Variants in ITPR2 observed in about 807,000 individuals in gnomAD.
The protein encoded by ITPR2 is inositol 1,4,5-trisphosphate-gated calcium channel ITPR2.
A neutral mutation model predicts 317.1 loss-of-function variants in ITPR2; 207 were observed. That is an observed-to-expected ratio of 0.65 (90% CI 0.58 to 0.73). The LOEUF is 0.73. Ranked by LOEUF, ITPR2 falls within the 30% of genes least tolerant of loss-of-function variation. The pLI, the probability that ITPR2 is intolerant of heterozygous loss-of-function variation, is 0.00. For missense variants in ITPR2, 2,613 were observed against 3,284.0 expected (o/e 0.80, Z 4.99); for synonymous variants, 1,156 against 1,149.1 (o/e 1.01, Z -0.12).
At chr12:26,701,208 T>TA (rs1948439972) in intron 9 of ITPR2, among the ~76,000 whole-genome samples, 1 of 152,174 alleles carries the variant, frequency 6.6e-6, no homozygotes, top group Non-Finnish European at 1.5e-5. Flanking sequence ...CGCAATCAAT[T>TA]AAAAAACAAC....
At chr12:26,539,832 T>C (rs1944207630) in intron 37 of ITPR2, among the ~76,000 whole-genome samples, 1 of 152,190 alleles carries the variant, frequency 6.6e-6, no homozygotes, top group Non-Finnish European at 1.5e-5. Flanking sequence ...AACAGAGATA[T>C]GCAAAGTATA....
intron 34 of ITPR2, among the ~76,000 whole-genome samples, chr12:26,575,634 C>T (rs1462538857): frequency 2.0e-5 from 3 of 152,044 alleles, no homozygotes; most frequent in Non-Finnish European, 2.9e-5. Context: ...TTATAGCATA[C>T]GAAAAGGAAC....
chr12:26,522,522 C>A (rs1287988834), intron 37 of ITPR2, among the ~76,000 whole-genome samples: 1 of 152,142 alleles, frequency 6.6e-6, no homozygotes, highest in African/African-American at 2.4e-5. Flanking sequence ...CTTTGGAACC[C>A]CTATCCAGTC....
At chr12:26,421,264 G>C (rs948183755) in intron 49 of ITPR2, 1 of 152,096 alleles carries the variant, frequency 6.6e-6, no homozygotes, top group Non-Finnish European at 1.5e-5. Context: ...TTTGTTTTCA[G>C]GTTTTGGTTT....
intron 55 of ITPR2, among the ~76,000 whole-genome samples, chr12:26,364,023 T>C (rs1398935000): frequency 1.3e-5 from 2 of 152,196 alleles, no homozygotes; most frequent in Non-Finnish European, 2.9e-5. Flanking sequence ...GAGGCTGAAC[T>C]AGCTTATGTG....
intron 45 of ITPR2, among the ~76,000 whole-genome samples, chr12:26,456,530 CT>C (rs1158697820): frequency 6.6e-6 from 1 of 152,184 alleles, no homozygotes; most frequent in Non-Finnish European, 1.5e-5. Flanking sequence ...CGGTGCTGCT[CT>C]GTTTATGGAG....
intron 39 of ITPR2, among the ~76,000 whole-genome samples, chr12:26,491,594 G>C (rs1236632700): frequency 1.3e-5 from 2 of 151,632 alleles, no homozygotes; most frequent in Admixed American, 6.6e-5. Flanking sequence ...ACTTGTCACT[G>C]TCTAGGAAAA....
At chr12:26,791,795 C>G (rs961226458) in intron 1 of ITPR2, among the ~76,000 whole-genome samples, 1 of 152,126 alleles carries the variant, frequency 6.6e-6, no homozygotes, top group Non-Finnish European at 1.5e-5. Flanking sequence ...ATCTGAAAGG[C>G]TCCAATAGTT....
chr12:26,414,391 C>T (rs1257903288), intron 51 of ITPR2, among the ~76,000 whole-genome samples: 1 of 152,044 alleles, frequency 6.6e-6, no homozygotes, highest in African/African-American at 2.4e-5. Context: ...ATACCATTTG[C>T]AAGGCATCAC....
At chr12:26,694,995 A>G (rs1464058891) in intron 10 of ITPR2, among the ~76,000 whole-genome samples, 1 of 152,182 alleles carries the variant, frequency 6.6e-6, no homozygotes, top group Admixed American at 6.5e-5. Context: ...CAAATCCTAA[A>G]GCTATGTATC....
At chr12:26,681,317 A>C (rs1948024759) in intron 13 of ITPR2, among the ~76,000 whole-genome samples, 1 of 152,230 alleles carries the variant, frequency 6.6e-6, no homozygotes, top group Non-Finnish European at 1.5e-5. Context: ...GCAGGCATGC[A>C]ATAATCGTTA....
chr12:26,622,553 A>G (rs1489481689), intron 24 of ITPR2, 148 bp from the exon 25 acceptor site: 1 of 591,992 alleles, frequency 1.7e-6, no homozygotes, highest in South Asian at 2.8e-5. Context: ...TGTTTTCCTC[A>G]TGTAACTGAT....
chr12:26,722,409 G>A lies in ITPR2; in HGVS notation c.513C>T (p.Ser171=), dbSNP rs368594447. Residue 171 remains serine, a synonymous_variant, in exon 5 of 57, where the codon AGC becomes AGT. Coordinates refer to ENST00000381340, the MANE Select transcript of ITPR2 (RefSeq NM_002223.4). ...FYIHPFWKLR[S]EGDNIVVGDK... The stretch of plus-strand genomic sequence containing the variant: ...GTATATTACATACATTGTCACCCTC[G>A]CTTCTCAGTTTCCAGAACGGATGAA... 8.1e-5 allele frequency: 130 copies of A among 1,608,170 alleles called. No homozygotes were observed. The highest frequency in any genetic ancestry group is 2.5e-4 in the African/African-American group (19 of 74,714).
At position 26,477,005 on chromosome 12, in the gene ITPR2, G is replaced by C; in HGVS notation, c.6126C>G (p.Asn2042Lys). The change falls in exon 44 of 57, where the codon AAC becomes AAG. Residue 2042 changes from asparagine to lysine, a missense_variant and splice_region_variant. By Grantham distance (94) the Asn-to-Lys change is moderately conservative (BLOSUM62 0). This residue lies in a region of ITPR2 where 926 missense variants were observed against 1,072.8 expected (regional missense o/e 0.86). Transcript: ENST00000381340. Reference sequence around the variant, plus strand: ...TGGCCAGCAAAAGTTTAGATGCATTGTTCTAGAGACACAGATTGAGTTAAT... The same window carrying C: ...TGGCCAGCAAAAGTTTAGATGCATTCTTCTAGAGACACAGATTGAGTTAAT... ...YRMDLVLQLK[N>K]NASKLLLAIM... 1 of 1,597,542 alleles carries C rather than the reference G, an allele frequency of 6.3e-7. No homozygotes were observed. The highest frequency in any genetic ancestry group is 8.6e-7 in the Non-Finnish European group (1 of 1,165,678).
chr12:26,561,976 T>G (rs780926415), intron 34 of ITPR2, 24 bp from the exon 35 acceptor site: 6 of 1,476,770 alleles, frequency 4.1e-6, no homozygotes, highest in Non-Finnish European at 5.4e-6. Context: ...ATTTAAAATA[T>G]TTCCCTCTTA....
intron 9 of ITPR2, among the ~76,000 whole-genome samples, chr12:26,698,116 CA>C (rs1402326626): frequency 1.3e-5 from 2 of 152,066 alleles, no homozygotes; most frequent in Non-Finnish European, 2.9e-5. Flanking sequence ...AAGTGGAACA[CA>C]AACAATAATC....
At chr12:26,804,571 C>CT (rs1282029485) in intron 1 of ITPR2, among the ~76,000 whole-genome samples, 3 of 152,140 alleles carry the variant, frequency 2.0e-5, no homozygotes, top group African/African-American at 7.2e-5. Flanking sequence ...CTGAAAAGAG[C>CT]TACATCTGTA....
At chr12:26,599,402 AG>A in intron 29 of ITPR2, 57 bp from the exon 30 acceptor site, 1 of 1,478,442 alleles carries the variant, frequency 6.8e-7, no homozygotes, top group Non-Finnish European at 9.5e-7. Flanking sequence ...TCTATTCTAC[AG>A]TACTTAGACT....
intron 21 of ITPR2, among the ~76,000 whole-genome samples, chr12:26,648,023 A>G (rs112179503): frequency 1.6e-4 from 24 of 151,882 alleles, no homozygotes; most frequent in African/African-American, 4.8e-4. Context: ...CAGACCCCCA[A>G]CCAGATCTAG....
Sources: gnomAD v4.1 joint callset for allele counts (sites outside exome capture counted in the v4.1 genomes callset) on GRCh38, gnomAD v4.1.1 for gene constraint, gnomAD v4.1.1 regional missense constraint, MANE v1.5 for transcripts, NCBI Gene and HGNC (gene_info 2026-07-23, HGNC 2026-07-21) for gene names.